KCNIP4: variants seen among roughly 807,000 people sequenced by gnomAD.
The protein encoded by KCNIP4 is potassium voltage-gated channel interacting protein 4, also known as Kv channel-interacting protein 4.
KCNIP4 carries 12 observed loss-of-function variants against 34.0 expected under a neutral mutation model. The ratio of observed to expected loss-of-function variants is 0.35; its 90% CI spans 0.23 to 0.57. The LOEUF (loss-of-function observed/expected upper bound fraction) is 0.57. KCNIP4 is among the 20% of genes least tolerant of loss of function. The probability of loss-of-function intolerance (pLI) is 0.83; values close to 1 mark genes in which losing one functional copy is unlikely to be tolerated. For missense variants in KCNIP4, 238 were observed against 311.7 expected (o/e 0.76, Z 1.78); for synonymous variants, 124 against 102.2 (o/e 1.21, Z -1.29).
At chr4:21,135,846 T>G (rs1002620500) in intron 1 of KCNIP4, among the ~76,000 whole-genome samples, 1 of 152,158 alleles carries the variant, frequency 6.6e-6, no homozygotes, top group Non-Finnish European at 1.5e-5. Context: ...CACGTCCCTA[T>G]TTTGAAATGC....
At chr4:21,714,681 T>A (rs1714011650) in intron 1 of KCNIP4, among the ~76,000 whole-genome samples, 1 of 151,940 alleles carries the variant, frequency 6.6e-6, no homozygotes, top group South Asian at 2.1e-4. Flanking sequence ...ATTCAACACA[T>A]TTGCTCTAAG....
intron 1 of KCNIP4, among the ~76,000 whole-genome samples, chr4:21,468,375 C>T (rs942369958): frequency 6.6e-6 from 1 of 152,142 alleles, no homozygotes; most frequent in Non-Finnish European, 1.5e-5. Context: ...CAAGGTACTG[C>T]CTCGGTACCG....
intron 1 of KCNIP4, among the ~76,000 whole-genome samples, chr4:20,947,659 G>A (rs955418093): frequency 1.3e-5 from 2 of 152,186 alleles, no homozygotes; most frequent in African/African-American, 4.8e-5. Context: ...GAAAGTGTAA[G>A]GAAGCTCCTT....
chr4:21,335,885 G>A (rs575218709), intron 1 of KCNIP4, among the ~76,000 whole-genome samples: 6 of 152,148 alleles, frequency 3.9e-5, no homozygotes, highest in African/African-American at 1.4e-4. Flanking sequence ...CAATCACAAA[G>A]CTTTAAAATA....
rs531512259 is a variant in KCNIP4 at position 21,149,922 on chromosome 4, G to T, written c.62-267213C>A. 2.0e-5 allele frequency among the ~76,000 whole-genome samples: 3 copies of T among 152,258 alleles called. No individual in the cohort carries two copies. The South Asian group carries it at 6.2e-4, about 32-fold the overall frequency. ...TTATTTGTTTCACTGTGTTGGAAAT[G>T]TCCTTTTATAACACCCTAATAATAT... is the stretch of plus-strand genomic sequence containing the variant. On this transcript the variant is annotated intron_variant, in intron 1 of 8. Transcript: ENST00000382152.
intron 1 of KCNIP4, among the ~76,000 whole-genome samples, chr4:21,466,108 C>T (rs1729909355): frequency 6.6e-6 from 1 of 152,154 alleles, no homozygotes; most frequent in African/African-American, 2.4e-5. Flanking sequence ...CCCACTACCC[C>T]TAGAGATCAG....
At chr4:21,538,210 A>G (rs979101434) in intron 1 of KCNIP4, among the ~76,000 whole-genome samples, 2 of 152,068 alleles carry the variant, frequency 1.3e-5, no homozygotes, top group Admixed American at 1.3e-4. Flanking sequence ...GTTTAGAAGT[A>G]GTATGTCCCA....
At chr4:20,945,909 A>C (rs2149628762) in intron 1 of KCNIP4, among the ~76,000 whole-genome samples, 1 of 152,322 alleles carries the variant, frequency 6.6e-6, no homozygotes, top group East Asian at 1.9e-4. Context: ...AAATCATGGC[A>C]GTCGCTCAAA....
intron 1 of KCNIP4, among the ~76,000 whole-genome samples, chr4:21,185,419 T>A (rs1169961500): frequency 6.6e-6 from 1 of 151,890 alleles, no homozygotes; most frequent in African/African-American, 2.4e-5. Flanking sequence ...CTCTTCTTCC[T>A]CTCTGTCCTC....
chr4:21,857,868 T>G (rs1724852546), intron 1 of KCNIP4, among the ~76,000 whole-genome samples: 1 of 152,288 alleles, frequency 6.6e-6, no homozygotes, highest in South Asian at 2.1e-4. Flanking sequence ...AGCCCAGACT[T>G]AGCTCCCAAG....
At chr4:20,951,071 G>A (rs1732736977) in intron 1 of KCNIP4, among the ~76,000 whole-genome samples, 2 of 152,050 alleles carry the variant, frequency 1.3e-5, no homozygotes, top group Non-Finnish European at 2.9e-5. Flanking sequence ...AATAGGATTA[G>A]TATCTTTATA....
intron 1 of KCNIP4, among the ~76,000 whole-genome samples, chr4:21,740,563 C>T (rs1227676623): frequency 1.3e-5 from 2 of 151,930 alleles, no homozygotes; most frequent in Non-Finnish European, 2.9e-5. Flanking sequence ...GGTGTAAATC[C>T]ATTGAAAAAA....
chr4:21,519,772 C>CACACGTGTGTGTATGTGTGTGTGTAT lies in KCNIP4; in HGVS notation c.61+428798_61+428799insATACACACACACATACACACACGTGT, dbSNP rs1560481271. 2.3e-5 allele frequency among the ~76,000 whole-genome samples: 3 copies of CACACGTGTGTGTATGTGTGTGTGTAT among 130,804 alleles called. No homozygotes were observed. In the East Asian group the frequency reaches 7.4e-4, roughly 32 times the overall value. The allele number at this position is 130,804 out of a possible 152,430, so 85.8% of individuals were successfully genotyped here. ...ACGTGTGTGTATGTATGTGTGTATACACACGTGTGTGTATGTGTGTGTATA... is the reference window on the plus strand; with the variant it reads ...ACGTGTGTGTATGTATGTGTGTATACACACGTGTGTGTATGTGTGTGTGTATACACGTGTGTGTATGTGTGTGTATA... On this transcript the variant is annotated intron_variant, in intron 1 of 8. Coordinates refer to ENST00000382152, the MANE Select transcript of KCNIP4 (RefSeq NM_025221.6).
chr4:21,510,850 C>T (rs6845922), intron 1 of KCNIP4, among the ~76,000 whole-genome samples: 50,134 of 150,570 alleles, frequency 0.33, 8,354 homozygotes, highest in East Asian at 0.38. Flanking sequence ...AACCCCATCT[C>T]TGCTAAAAAT....
intron 1 of KCNIP4, among the ~76,000 whole-genome samples, chr4:21,348,148 G>C (rs527353486): frequency 6.6e-6 from 1 of 152,174 alleles, no homozygotes; most frequent in Non-Finnish European, 1.5e-5. Context: ...CAGGAGTATT[G>C]AGCTTGACTG....
chr4:21,835,068 T>A (rs972806044), intron 1 of KCNIP4, among the ~76,000 whole-genome samples: 2 of 152,124 alleles, frequency 1.3e-5, no homozygotes, highest in African/African-American at 4.8e-5. Flanking sequence ...TTTGGTTATG[T>A]CTCTGCCCAG....
intron 1 of KCNIP4, among the ~76,000 whole-genome samples, chr4:21,367,160 C>A (rs1264578653): frequency 6.6e-6 from 1 of 152,146 alleles, no homozygotes; most frequent in East Asian, 1.9e-4. Context: ...GGACTCCCAG[C>A]ATCTAGAACT....
At chr4:21,924,583 T>G (rs566619886) in intron 1 of KCNIP4, among the ~76,000 whole-genome samples, 1 of 152,214 alleles carries the variant, frequency 6.6e-6, no homozygotes, top group South Asian at 2.1e-4. Flanking sequence ...GTCTTTGGAT[T>G]AGGCTTCTGG....
chr4:20,737,354 T>C (rs568563590), intron 5 of KCNIP4, among the ~76,000 whole-genome samples: 4 of 152,242 alleles, frequency 2.6e-5, no homozygotes, highest in African/African-American at 7.2e-5. Flanking sequence ...CAGCAAGTGA[T>C]AGGGAACGGT....
Sources: allele counts gnomAD v4.1 joint callset (sites outside exome capture counted in the v4.1 genomes callset), GRCh38; gene constraint gnomAD v4.1.1; transcripts MANE v1.5; gene names NCBI Gene and HGNC (gene_info 2026-07-23, HGNC 2026-07-21).